ARFGEF3: variants seen among roughly 807,000 people sequenced by gnomAD.
The protein encoded by ARFGEF3 is brefeldin A-inhibited guanine nucleotide-exchange protein 3.
A neutral mutation model predicts 221.7 loss-of-function variants in ARFGEF3; 96 were observed. That is an observed-to-expected ratio of 0.43 (90% CI 0.37 to 0.51). The LOEUF (loss-of-function observed/expected upper bound fraction) is 0.51. ARFGEF3 is among the 20% of genes least tolerant of loss of function. The probability of loss-of-function intolerance (pLI) is 0.00; values close to 1 mark genes in which losing one functional copy is unlikely to be tolerated. For synonymous variants in ARFGEF3, 1,145 were observed against 1,126.8 expected, an observed-to-expected ratio of 1.02 and a Z score of -0.32; for missense variants, 2,410 against 2,789.9, an observed-to-expected ratio of 0.86 and a Z score of 3.07.
chr6:138,166,258 A>T (rs1231033889), intron 1 of ARFGEF3, among the ~76,000 whole-genome samples: 3 of 152,264 alleles, frequency 2.0e-5, no homozygotes, highest in Admixed American at 2.0e-4. Flanking sequence ...TCTATTTATA[A>T]GAGTTATATA....
chr6:138,234,121 A>G (rs933930607), intron 5 of ARFGEF3, among the ~76,000 whole-genome samples: 4 of 152,170 alleles, frequency 2.6e-5, no homozygotes, highest in Non-Finnish European at 5.9e-5. Flanking sequence ...TCTTACTTGC[A>G]TGGCTTGTGA....
chr6:138,333,708 C>T (rs1780266605), intron 32 of ARFGEF3, among the ~76,000 whole-genome samples: 1 of 152,134 alleles, frequency 6.6e-6, no homozygotes, highest in Non-Finnish European at 1.5e-5. Context: ...TTCCAAAGTG[C>T]TGGGATTACA....
At chr6:138,165,824 G>A (rs572782238) in intron 1 of ARFGEF3, among the ~76,000 whole-genome samples, 1 of 152,318 alleles carries the variant, frequency 6.6e-6, no homozygotes, top group South Asian at 2.1e-4. Flanking sequence ...TTTTGAGATA[G>A]GTGATCATCA....
intron 4 of ARFGEF3, among the ~76,000 whole-genome samples, chr6:138,214,842 T>C (rs1255764279): frequency 6.6e-6 from 1 of 152,184 alleles, no homozygotes; most frequent in East Asian, 1.9e-4. Context: ...GTTAAATCAC[T>C]TAGTCTAGGA....
Position 138,311,806 on chromosome 6 carries a change from G to A in ARFGEF3, c.4200+296G>A, listed in dbSNP as rs1779836520. Among the ~76,000 whole-genome samples the A allele has an allele frequency of 2.0e-5, 3 of 152,110 alleles. No individual in the cohort carries two copies. In the South Asian group the frequency reaches 6.2e-4, roughly 32 times the overall value. On this transcript the variant is annotated intron_variant, in intron 25 of 33. Coordinates refer to ENST00000251691, the MANE Select transcript of ARFGEF3 (RefSeq NM_020340.5). ...ATTTGCATGAGGTTTTAGGGGAAGGGGTCACTAGGTCATGAGAAGTCTTCC... is the reference window on the plus strand; with the variant it reads ...ATTTGCATGAGGTTTTAGGGGAAGGAGTCACTAGGTCATGAGAAGTCTTCC...
At chr6:138,173,305 T>C (rs1776877628) in intron 2 of ARFGEF3, among the ~76,000 whole-genome samples, 1 of 152,232 alleles carries the variant, frequency 6.6e-6, no homozygotes, top group Non-Finnish European at 1.5e-5. Flanking sequence ...ATTTGAATGC[T>C]AACTTAAAGT....
intron 4 of ARFGEF3, among the ~76,000 whole-genome samples, chr6:138,221,840 G>C (rs1343354636): frequency 6.6e-6 from 1 of 152,156 alleles, no homozygotes; most frequent in Non-Finnish European, 1.5e-5. Flanking sequence ...TCCACCTTGA[G>C]TATTTAGGAG....
intron 22 of ARFGEF3, among the ~76,000 whole-genome samples, chr6:138,302,039 A>G (rs750614631): frequency 3.9e-5 from 6 of 152,190 alleles, no homozygotes; most frequent in Non-Finnish European, 5.9e-5. Flanking sequence ...CTGCTACAAT[A>G]TATTATCTAA....
chr6:138,328,611 C>T (rs1562218069), intron 32 of ARFGEF3, among the ~76,000 whole-genome samples: 3 of 152,108 alleles, frequency 2.0e-5, no homozygotes, highest in Admixed American at 2.0e-4. Flanking sequence ...GACCTCTTCT[C>T]CAAATATAGT....
intron 2 of ARFGEF3, among the ~76,000 whole-genome samples, chr6:138,178,235 T>C (rs1186748000): frequency 6.6e-6 from 1 of 152,184 alleles, no homozygotes; most frequent in African/African-American, 2.4e-5. Context: ...TAATGAAATA[T>C]AGCATACTTG....
chr6:138,317,996 C>G (rs1456388554), intron 27 of ARFGEF3, among the ~76,000 whole-genome samples: 2 of 152,108 alleles, frequency 1.3e-5, no homozygotes, highest in African/African-American at 4.8e-5. Flanking sequence ...GCCAATTTCT[C>G]AAGATCAAAG....
In ARFGEF3 at chr6:138,261,543, A is replaced by G; in HGVS notation, c.1121A>G (p.Gln374Arg). ...TTCTTTAAGATACTTGGGAGCCCAC[A>G]GCGTCTCTGTGACTTGGCAGGACCC... Reference protein sequence around the residue: ...KIMKEILGSPQRLCDLAGPSS... With the variant: ...KIMKEILGSPRRLCDLAGPSS... The change falls in exon 11 of 34, where the codon CAG becomes CGG. Residue 374 changes from glutamine (Q) to arginine (R), a missense_variant. By Grantham distance (43) the Gln-to-Arg change is conservative (BLOSUM62 1). Coordinates refer to ENST00000251691, the MANE Select transcript of ARFGEF3 (RefSeq NM_020340.5). The G allele has an allele frequency of 6.4e-7, 1 of 1,571,522 alleles. No homozygotes were observed. Among genetic ancestry groups the G allele is most frequent in the Non-Finnish European group, 8.6e-7 (1 of 1,157,336 alleles).
chr6:138,284,739 C>T (rs913438282), intron 14 of ARFGEF3, among the ~76,000 whole-genome samples: 8 of 152,204 alleles, frequency 5.3e-5, no homozygotes, highest in African/African-American at 1.9e-4. Flanking sequence ...GGCCTTGAAC[C>T]ATTTACCTAC....
At chr6:138,306,954 A>T (rs945526974) in intron 22 of ARFGEF3, among the ~76,000 whole-genome samples, 1 of 77,246 alleles carries the variant, frequency 1.3e-5, no homozygotes, top group African/African-American at 5.4e-5. Flanking sequence ...AAGGAACTCT[A>T]AAAAAAAAAA....
intron 4 of ARFGEF3, among the ~76,000 whole-genome samples, chr6:138,213,177 A>C (rs181271087): frequency 6.6e-6 from 1 of 151,744 alleles, no homozygotes; most frequent in African/African-American, 2.4e-5. Flanking sequence ...GGTCCCAGCT[A>C]CTCAGGAGGC....
intron 31 of ARFGEF3, 23 bp downstream of exon 31, chr6:138,324,177 T>G (rs1780088945): frequency 6.2e-7 from 1 of 1,602,116 alleles, no homozygotes; most frequent in Admixed American, 1.7e-5. Flanking sequence ...GCTTTTGATC[T>G]CAGGAGCTCT....
chr6:138,291,848 G>C lies in ARFGEF3; in HGVS notation c.3163G>C (p.Asp1055His). The C allele has an allele frequency of 1.3e-6, 2 of 1,499,526 alleles. No homozygotes were observed. The highest frequency in any genetic ancestry group is 2.9e-5 in the African/African-American group (2 of 69,424). 92.9% of individuals were successfully genotyped at this position (1,499,526 alleles called of 1,614,324 possible). The change falls in exon 19 of 34, where the codon GAC becomes CAC. Residue 1055 changes from aspartate (D) to histidine (H), a missense_variant. Physicochemically the swap from Asp to His is moderately conservative, Grantham distance 81. Around this residue, in one of 5 missense-constraint regions of ARFGEF3, gnomAD observed 184 missense variants for 141.8 expected, o/e 1.30. Coordinates refer to ENST00000251691, the MANE Select transcript of ARFGEF3 (RefSeq NM_020340.5). This position sits in a 1 kb window ranked among gnomAD's most constrained non-coding sequence, Gnocchi z 4.5. ...KATGSAGLLG[D>H]PECEGSPPEH... ...CACTGGAAGCGCTGGCCTCCTTGGG[G>C]ACCCCGAGTGTGAGGGCTCGCCCCC...
chr6:138,218,394 A>G (rs1305661476), intron 4 of ARFGEF3: 1 of 1,535,268 alleles, frequency 6.5e-7, no homozygotes, highest in Non-Finnish European at 8.8e-7. Flanking sequence ...GAAGGCCCTC[A>G]TATTTACTAC....
At chr6:138,258,392 G>A (rs1778724343) in intron 10 of ARFGEF3, among the ~76,000 whole-genome samples, 1 of 152,180 alleles carries the variant, frequency 6.6e-6, no homozygotes, top group South Asian at 2.1e-4. Flanking sequence ...TTTCCAGATG[G>A]GAAAGCTGAG....
Sources: gnomAD v4.1 joint callset for allele counts (sites outside exome capture counted in the v4.1 genomes callset) on GRCh38, gnomAD v4.1.1 for gene constraint, gnomAD v4.1.1 regional missense constraint, Gnocchi (gnomAD v3.1) non-coding constraint, MANE v1.5 for transcripts, NCBI Gene and HGNC (gene_info 2026-07-23, HGNC 2026-07-21) for gene names.